The following ADGRG5 variants were observed in gnomAD, a reference collection of about 807,000 sequenced individuals.
ADGRG5 encodes the protein G protein-coupled receptor 114.
In ADGRG5, 37 loss-of-function variants were observed where a neutral mutation model predicts 53.2. The ratio of observed to expected loss-of-function variants is 0.70; its 90% CI spans 0.53 to 0.91. The LOEUF (loss-of-function observed/expected upper bound fraction) is 0.91. ADGRG5 is among the 40% of genes least tolerant of loss of function. The pLI is 0.00. For synonymous variants in ADGRG5, 277 were observed against 290.4 expected, an observed-to-expected ratio of 0.95 and a Z score of 0.47; for missense variants, 614 against 675.8, an observed-to-expected ratio of 0.91 and a Z score of 1.01.
At chr16:57,545,904 C>T (rs1208176597) in intron 1 of ADGRG5, among the ~76,000 whole-genome samples, 2 of 152,178 alleles carry the variant, frequency 1.3e-5, no homozygotes, top group Non-Finnish European at 2.9e-5. Flanking sequence ...CTGCTAACTG[C>T]AACCTCTGCC....
At position 57,576,091 on chromosome 16, in the gene ADGRG5, C is replaced by A. The variant is rs1286971636; in HGVS notation, c.*553C>A. 1.3e-5 allele frequency: 2 copies of A among 153,816 alleles called. No individual in the cohort carries two copies. The highest frequency in any genetic ancestry group is 2.4e-5 in the African/African-American group (1 of 41,458). 9.5% of individuals were successfully genotyped at this position (153,816 alleles called of 1,614,324 possible). ...TGGAAGCACCTGCTTGGCCCTGCCA[C>A]CTTCCTCCAGGGGAGGGCCAGATGG... On this transcript the variant is annotated 3_prime_UTR_variant, in exon 12 of 12. Transcript: ENST00000349457.
At chr16:57,562,837 A>G (rs1216914539) in intron 3 of ADGRG5, among the ~76,000 whole-genome samples, 6 of 152,150 alleles carry the variant, frequency 3.9e-5, no homozygotes, top group Non-Finnish European at 8.8e-5. Context: ...GGAAGCTGTG[A>G]GGGAGCAGTC....
the ADGRG5 span, among the ~76,000 whole-genome samples, chr16:57,529,995 G>T: frequency 6.6e-6 from 1 of 152,208 alleles, no homozygotes; most frequent in Admixed American, 6.5e-5. This position sits in a 1 kb window ranked among gnomAD's most constrained non-coding sequence, Gnocchi z 4.1. Flanking sequence ...ATTCCTTAAA[G>T]AGTGGAGGTG....
intron 7 of ADGRG5, among the ~76,000 whole-genome samples, chr16:57,567,046 A>C (rs1269781664): frequency 6.6e-6 from 1 of 152,194 alleles, no homozygotes; most frequent in African/African-American, 2.4e-5. Flanking sequence ...TGAGATAATA[A>C]TATAGCTGGC....
At chr16:57,557,953 T>C (rs1387464510) in intron 1 of ADGRG5, among the ~76,000 whole-genome samples, 11 of 152,202 alleles carry the variant, frequency 7.2e-5, no homozygotes, top group Non-Finnish European at 1.6e-4. Flanking sequence ...ATTTTGGCCA[T>C]CTCTAAGATC....
chr16:57,529,289 C>G, the ADGRG5 span: 1 of 1,118,858 alleles, frequency 8.9e-7, no homozygotes, highest in Non-Finnish European at 1.1e-6. This position sits in a 1 kb window ranked among gnomAD's most constrained non-coding sequence, Gnocchi z 4.1. Flanking sequence ...GCCCCGCTTC[C>G]CTCTGGGCCA....
At chr16:57,562,961 C>A in intron 3 of ADGRG5, 130 bp from the exon 4 acceptor site, 1 of 779,358 alleles carries the variant, frequency 1.3e-6, no homozygotes. Context: ...ACTGTGTGTG[C>A]AGTGGTCTGG....
chr16:57,529,945 C>T, the ADGRG5 span, among the ~76,000 whole-genome samples: 4 of 152,190 alleles, frequency 2.6e-5, no homozygotes, highest in African/African-American at 9.7e-5. The surrounding 1 kb of genome is among the most constrained non-coding windows in gnomAD (Gnocchi z 4.1). Flanking sequence ...GGCCACAAGC[C>T]AGGCACTGTG....
At chr16:57,529,095 G>A in the ADGRG5 span, 1 of 1,176,096 alleles carries the variant, frequency 8.5e-7, no homozygotes, top group Non-Finnish European at 1.1e-6. This position sits in a 1 kb window ranked among gnomAD's most constrained non-coding sequence, Gnocchi z 4.1. Flanking sequence ...GCGCTCCGGC[G>A]ACGGGCTGCC....
intron 1 of ADGRG5, among the ~76,000 whole-genome samples, chr16:57,555,313 C>T (rs1423294332): frequency 6.6e-6 from 1 of 152,108 alleles, no homozygotes; most frequent in Non-Finnish European, 1.5e-5. Flanking sequence ...ATCATGGGGG[C>T]AGTTTCCCCC....
chr16:57,571,530 A>C (rs1284555648), intron 10 of ADGRG5, among the ~76,000 whole-genome samples: 1 of 152,178 alleles, frequency 6.6e-6, no homozygotes, highest in Non-Finnish European at 1.5e-5. Context: ...ATTTACATGA[A>C]TTGTTCTCTG....
chr16:57,540,341 CT>C (rs2032472318), upstream of ADGRG5, among the ~76,000 whole-genome samples: 2 of 152,166 alleles, frequency 1.3e-5, no homozygotes, highest in African/African-American at 2.4e-5. Context: ...GTGTAAATGA[CT>C]TTTTTTGCAT....
At chr16:57,552,386 T>C (rs1210580069) in intron 1 of ADGRG5, among the ~76,000 whole-genome samples, 1 of 152,254 alleles carries the variant, frequency 6.6e-6, no homozygotes, top group Non-Finnish European at 1.5e-5. Flanking sequence ...GCCACCCTCA[T>C]GCATGATGTT....
chr16:57,540,194 G>C (rs187485315), upstream of ADGRG5, among the ~76,000 whole-genome samples: 413 of 152,308 alleles, frequency 2.7e-3, 2 homozygotes, highest in African/African-American at 8.5e-3. Context: ...AGTGAGCCGA[G>C]ATTGCGCCAC....
In ADGRG5 at chr16:57,575,764, G is replaced by T; in HGVS notation, c.*226G>T. On this transcript the variant is annotated 3_prime_UTR_variant, in exon 12 of 12. Transcript: ENST00000349457. ...GGCAGATCCAACCTTACCTGGGGCA[G>T]CAAACTTTGTCCTGGTACCTGGGCC... is the stretch of plus-strand genomic sequence containing the variant. The T allele has an allele frequency of 1.9e-6, 1 of 524,386 alleles. No individual in the cohort carries two copies. The highest frequency in any genetic ancestry group is 3.5e-6 in the Non-Finnish European group (1 of 289,488). 32.5% of individuals were successfully genotyped at this position (524,386 alleles called of 1,614,324 possible).
In ADGRG5 at chr16:57,576,467, C is replaced by T. The variant is rs1259860650; in HGVS notation, c.*929C>T. On this transcript the variant is annotated 3_prime_UTR_variant, in exon 12 of 12. Transcript: ENST00000349457. ...GAGAGTGTGGGTTTTAAATTCGAAG[C>T]TCAGGCCATAGTTTCAGAGAATCAC... 1 of 152,152 alleles carries T rather than the reference C, an allele frequency of 6.6e-6. No homozygotes were observed. The highest frequency in any genetic ancestry group is 2.4e-5 in the African/African-American group (1 of 41,420). 9.4% of individuals were successfully genotyped at this position (152,152 alleles called of 1,614,324 possible). A position where few individuals can be genotyped will look rare whatever the true frequency, so the allele number is the denominator to read the frequency against.
In ADGRG5 at chr16:57,564,883, GA is replaced by G. The variant is rs375756115; in HGVS notation, c.430-149del. On this transcript the variant is annotated intron_variant, in intron 5 of 11. Coordinates refer to ENST00000349457, the MANE Select transcript of ADGRG5 (RefSeq NM_001304376.3). ...GCACATGCAAAGGCTGGGAGGCTGG[GA>G]AGGCTGGGAGGCTGGGAGGCTGAGA... 1,152 of 601,214 alleles carry G rather than the reference GA, an allele frequency of 1.9e-3. 2 individuals are homozygous for G. The highest frequency in any genetic ancestry group is 2.6e-3 in the Non-Finnish European group (892 of 341,766). The allele number at this position is 601,214 out of a possible 1,614,324, so 37.2% of individuals were successfully genotyped here. A position where few individuals can be genotyped will look rare whatever the true frequency, so the allele number is the denominator to read the frequency against.
At chr16:57,560,533 T>G (rs1212348672) in intron 1 of ADGRG5, among the ~76,000 whole-genome samples, 1 of 152,256 alleles carries the variant, frequency 6.6e-6, no homozygotes, top group Non-Finnish European at 1.5e-5. Context: ...TTCTCCTGCC[T>G]TGGGGCATAA....
intron 2 of ADGRG5, 48 bp from the exon 3 acceptor site, chr16:57,562,335 GC>G: frequency 6.6e-7 from 1 of 1,525,118 alleles, no homozygotes; most frequent in Non-Finnish European, 9.0e-7. Context: ...AGGTTGTGGG[GC>G]CAGAGGGCAG....
Sources: gnomAD v4.1 joint callset for allele counts (sites outside exome capture counted in the v4.1 genomes callset) on GRCh38, gnomAD v4.1.1 for gene constraint, Gnocchi (gnomAD v3.1) non-coding constraint, MANE v1.5 for transcripts, NCBI Gene and HGNC (gene_info 2026-07-23, HGNC 2026-07-21) for gene names.